Variants in NEGR1 observed in about 807,000 individuals in gnomAD.
The protein encoded by NEGR1 is IgLON family member 4.
NEGR1 carries 10 observed loss-of-function variants against 40.9 expected under a neutral mutation model. That is an observed-to-expected ratio of 0.24 (90% CI 0.15 to 0.42). The LOEUF is 0.42. Among genes scored for constraint, NEGR1 ranks in the 10% least tolerant of loss-of-function variants. The pLI, the probability that NEGR1 is intolerant of heterozygous loss-of-function variation, is 1.00. For missense variants in NEGR1, 352 were observed against 438.9 expected (o/e 0.80, Z 1.77); for synonymous variants, 185 against 166.8 (o/e 1.11, Z -0.84).
At chr1:71,895,935 A>G (rs1305029644) in intron 2 of NEGR1, among the ~76,000 whole-genome samples, 1 of 150,782 alleles carries the variant, frequency 6.6e-6, no homozygotes, top group Admixed American at 6.6e-5. Context: ...TTTTGCTAAC[A>G]CCTCTTATTA....
chr1:72,104,063 T>C (rs2100251649), intron 1 of NEGR1, among the ~76,000 whole-genome samples: 1 of 150,574 alleles, frequency 6.6e-6, no homozygotes, highest in South Asian at 2.1e-4. Flanking sequence ...ATAAACCACA[T>C]TCATTATGTG....
chr1:72,238,950 A>G (rs535544000), intron 1 of NEGR1, among the ~76,000 whole-genome samples: 11 of 151,942 alleles, frequency 7.2e-5, no homozygotes, highest in African/African-American at 2.4e-4. Flanking sequence ...ACACATCACA[A>G]TAAGATGCTT....
At chr1:71,991,861 G>C (rs1012604471) in intron 1 of NEGR1, among the ~76,000 whole-genome samples, 1 of 152,094 alleles carries the variant, frequency 6.6e-6, no homozygotes, top group African/African-American at 2.4e-5. Flanking sequence ...GCACGATCTC[G>C]ACTCACTGCA....
intron 1 of NEGR1, among the ~76,000 whole-genome samples, chr1:72,146,430 C>A (rs1650911554): frequency 6.6e-6 from 1 of 152,076 alleles, no homozygotes; most frequent in Non-Finnish European, 1.5e-5. Flanking sequence ...AAAATGATTT[C>A]TTCTCCGTAG....
intron 1 of NEGR1, among the ~76,000 whole-genome samples, chr1:72,124,915 A>C (rs1229911672): frequency 6.6e-6 from 1 of 152,096 alleles, no homozygotes; most frequent in Non-Finnish European, 1.5e-5. Flanking sequence ...TAACATACAC[A>C]TTGAATTTTA....
intron 3 of NEGR1, among the ~76,000 whole-genome samples, chr1:71,747,966 G>A (rs567437035): frequency 1.2e-3 from 179 of 152,102 alleles, no homozygotes; most frequent in African/African-American, 4.1e-3. Context: ...AATTGTATTG[G>A]ACAGAATAAG....
intron 1 of NEGR1, among the ~76,000 whole-genome samples, chr1:71,976,074 T>C (rs1001025176): frequency 1.3e-5 from 2 of 152,212 alleles, no homozygotes; most frequent in African/African-American, 4.8e-5. Context: ...AATGTTCTAG[T>C]GTTGGTCTCT....
chr1:71,823,819 C>T (rs916568370), intron 2 of NEGR1, among the ~76,000 whole-genome samples: 6 of 152,058 alleles, frequency 3.9e-5, no homozygotes, highest in African/African-American at 7.2e-5. Flanking sequence ...TGCAGATTTA[C>T]GGCCAACGCC....
In NEGR1 at chr1:72,035,846, T is replaced by C. The variant is rs1481969891; in HGVS notation, c.177-100535A>G. Among the ~76,000 whole-genome samples, 3 of 152,140 alleles carry C rather than the reference T, an allele frequency of 2.0e-5. No homozygotes were observed. The South Asian group carries it at 6.2e-4, about 31-fold the overall frequency. On this transcript the variant is annotated intron_variant, in intron 1 of 6. Transcript: ENST00000357731. ...ATATGAGTAAATAGAAGCTCAGAAG[T>C]TAAAATGCTCTGGAAAAGCTCACAT...
At chr1:72,228,587 T>C (rs1163663617) in intron 1 of NEGR1, among the ~76,000 whole-genome samples, 1 of 152,146 alleles carries the variant, frequency 6.6e-6, no homozygotes, top group East Asian at 1.9e-4. Context: ...AGAACCCTAA[T>C]CAGTACAGAT....
At chr1:72,250,021 A>G (rs2100528629) in intron 1 of NEGR1, among the ~76,000 whole-genome samples, 1 of 152,288 alleles carries the variant, frequency 6.6e-6, no homozygotes, top group African/African-American at 2.4e-5. Flanking sequence ...TGCTGTGAAG[A>G]TACTTTTAGG....
chr1:71,648,774 A>G (rs1651613942), intron 4 of NEGR1, among the ~76,000 whole-genome samples: 1 of 151,894 alleles, frequency 6.6e-6, no homozygotes, highest in Non-Finnish European at 1.5e-5. Flanking sequence ...CCTGATCACA[A>G]CCCTTCTTGT....
At chr1:72,190,339 CATA>C (rs1016494545) in intron 1 of NEGR1, among the ~76,000 whole-genome samples, 8 of 151,482 alleles carry the variant, frequency 5.3e-5, no homozygotes, top group Admixed American at 2.0e-4. Flanking sequence ...AAATATTTAG[CATA>C]ATAATTGTAT....
intron 1 of NEGR1, among the ~76,000 whole-genome samples, chr1:72,038,623 A>G (rs1646925737): frequency 6.6e-6 from 1 of 152,050 alleles, no homozygotes; most frequent in African/African-American, 2.4e-5. Context: ...CTGTCTTCAA[A>G]AAGCTTATAA....
chr1:71,739,199 GAA>G lies in NEGR1; in HGVS notation c.535+36971_535+36972del, dbSNP rs776411417. ...TGTGCAGCCAGAAAAAAGGCAGGCA[GAA>G]AAAAAAAAAAAAAAAACAAAAAAAA... On this transcript the variant is annotated intron_variant, in intron 3 of 6. Coordinates refer to ENST00000357731, the MANE Select transcript of NEGR1 (RefSeq NM_173808.3). Among the ~76,000 whole-genome samples the G allele has an allele frequency of 6.8e-3, 430 of 63,640 alleles. 2 individuals are homozygous for G. Among genetic ancestry groups the G allele is most frequent in the Middle Eastern group, 0.019 (2 of 108 alleles). 41.8% of individuals were successfully genotyped at this position (63,640 alleles called of 152,430 possible).
At chr1:72,007,761 C>T (rs1452124307) in intron 1 of NEGR1, among the ~76,000 whole-genome samples, 1 of 152,146 alleles carries the variant, frequency 6.6e-6, no homozygotes, top group Non-Finnish European at 1.5e-5. Flanking sequence ...TCACAATTTA[C>T]TCTAAAGATA....
rs375981493 is a variant in NEGR1 at position 71,592,854 on chromosome 1, G to A, written c.903C>T (p.Asn301=). The change falls in exon 6 of 7, where the codon AAC becomes AAT. Residue 301 remains asparagine (N), a synonymous_variant. Coordinates refer to ENST00000357731, the MANE Select transcript of NEGR1 (RefSeq NM_173808.3). ...HFGNYTCVAA[N]KLGTTNASLP... ...GGCTCGCATTGGTTGTGCCTAGCTT[G>A]TTGGCAGCCACACAGGTATAATTGC... The A allele has an allele frequency of 6.2e-7, 1 of 1,613,338 alleles. No homozygotes were observed. The highest frequency in any genetic ancestry group is 1.7e-4 in the Middle Eastern group (1 of 6,050).
At chr1:71,834,528 C>T (rs1490382905) in intron 2 of NEGR1, among the ~76,000 whole-genome samples, 1 of 151,430 alleles carries the variant, frequency 6.6e-6, no homozygotes, top group Non-Finnish European at 1.5e-5. Context: ...TACTCCTGCC[C>T]TCAGACTGGG....
intron 2 of NEGR1, among the ~76,000 whole-genome samples, chr1:71,881,348 T>C (rs1660578879): frequency 6.6e-6 from 1 of 152,068 alleles, no homozygotes; most frequent in Non-Finnish European, 1.5e-5. Context: ...GGTTTTTCCT[T>C]ATGTACCAGT....
Sources: gnomAD v4.1 joint callset for allele counts (sites outside exome capture counted in the v4.1 genomes callset) on GRCh38, gnomAD v4.1.1 for gene constraint, MANE v1.5 for transcripts, NCBI Gene and HGNC (gene_info 2026-07-23, HGNC 2026-07-21) for gene names.